SHROOM3: variants seen among roughly 807,000 people sequenced by gnomAD.
SHROOM3 encodes protein Shroom3.
SHROOM3 carries 47 observed loss-of-function variants against 138.6 expected under a neutral mutation model. That is an observed-to-expected ratio of 0.34 (90% confidence interval 0.27 to 0.43). The LOEUF (loss-of-function observed/expected upper bound fraction) is 0.43. Among genes scored for constraint, SHROOM3 ranks in the 20% least tolerant of loss-of-function variants. SHROOM3 has a pLI of 1.00. For synonymous variants in SHROOM3, 1,062 were observed against 1,063.3 expected (o/e 1.00, Z 0.02); for missense variants, 2,491 against 2,596.5 (o/e 0.96, Z 0.88).
At chr4:76,735,404 G>A (rs1721006526) in intron 4 of SHROOM3, among the ~76,000 whole-genome samples, 1 of 152,080 alleles carries the variant, frequency 6.6e-6, no homozygotes, top group South Asian at 2.1e-4. Flanking sequence ...TCTCCGGGCA[G>A]GAGGGAAAAT....
intron 2 of SHROOM3, among the ~76,000 whole-genome samples, chr4:76,686,332 A>G (rs1170707009): frequency 1.3e-5 from 2 of 152,186 alleles, no homozygotes; most frequent in Non-Finnish European, 2.9e-5. Flanking sequence ...TTAGTTGAAT[A>G]TTTTAAAGTA....
intron 1 of SHROOM3, among the ~76,000 whole-genome samples, chr4:76,447,662 GTATCAGC>G (rs1301497928): frequency 6.6e-6 from 1 of 152,106 alleles, no homozygotes; most frequent in Non-Finnish European, 1.5e-5. Context: ...TTACTTTTGA[GTATCAGC>G]TAGTGAGTAG....
At chr4:76,580,551 C>T (rs1250506657) in intron 2 of SHROOM3, among the ~76,000 whole-genome samples, 1 of 151,284 alleles carries the variant, frequency 6.6e-6, no homozygotes, top group Non-Finnish European at 1.5e-5. Context: ...CTCAGCCTCC[C>T]GAGTAGCTGG....
chr4:76,586,727 A>G (rs982677763), intron 2 of SHROOM3, among the ~76,000 whole-genome samples: 1 of 152,226 alleles, frequency 6.6e-6, no homozygotes, highest in Non-Finnish European at 1.5e-5. Flanking sequence ...ACTTTTTCCT[A>G]TTTGATGAGA....
intron 2 of SHROOM3, among the ~76,000 whole-genome samples, chr4:76,611,211 A>C (rs1734754352): frequency 6.6e-6 from 1 of 152,046 alleles, no homozygotes; most frequent in South Asian, 2.1e-4. Flanking sequence ...TTCTTGCCTC[A>C]GCTCCCAAAT....
intron 1 of SHROOM3, among the ~76,000 whole-genome samples, chr4:76,494,812 G>A (rs1023089393): frequency 6.6e-6 from 1 of 152,166 alleles, no homozygotes; most frequent in Non-Finnish European, 1.5e-5. Context: ...CAATGTGCAA[G>A]ATACAGAATT....
intron 2 of SHROOM3, among the ~76,000 whole-genome samples, chr4:76,579,732 T>C (rs1347343248): frequency 6.6e-6 from 1 of 152,226 alleles, no homozygotes; most frequent in East Asian, 1.9e-4. Flanking sequence ...CTGCCTGGTC[T>C]AGTCAGCATT....
chr4:76,749,157 T>C, intron 6 of SHROOM3, 67 bp downstream of exon 6: 1 of 1,408,960 alleles, frequency 7.1e-7, no homozygotes, highest in Admixed American at 1.7e-5. Context: ...CTCTTGTTCC[T>C]TTCTACAAGA....
At chr4:76,642,264 A>T (rs1399102851) in intron 2 of SHROOM3, among the ~76,000 whole-genome samples, 1 of 152,158 alleles carries the variant, frequency 6.6e-6, no homozygotes, top group African/African-American at 2.4e-5. Context: ...AAATGTCTAA[A>T]GCCTGATCAA....
intron 2 of SHROOM3, among the ~76,000 whole-genome samples, chr4:76,696,295 G>GC (rs1719726155): frequency 6.6e-6 from 1 of 151,944 alleles, no homozygotes; most frequent in African/African-American, 2.4e-5. Context: ...CTTCACCATC[G>GC]CCCCCAGCCT....
intron 2 of SHROOM3, among the ~76,000 whole-genome samples, chr4:76,627,382 G>A (rs1266866762): frequency 6.6e-6 from 1 of 152,154 alleles, no homozygotes; most frequent in Non-Finnish European, 1.5e-5. Flanking sequence ...TTAGAGACTT[G>A]TGGCTGAATT....
chr4:76,739,952 TAACA>T lies in SHROOM3; in HGVS notation c.1783_1786del (p.Lys595HisfsTer52). ...CCAATGAGAGAAAGAGCACCCACAG[TAACA>T]AACCATCTTCTCATCCCCACAGCCT... On this transcript the variant is annotated frameshift_variant, in exon 5 of 11. Coordinates refer to ENST00000296043, the MANE Select transcript of SHROOM3 (RefSeq NM_020859.4). LOFTEE classifies it high-confidence loss of function. 1 of 1,614,078 alleles carries T rather than the reference TAACA, an allele frequency of 6.2e-7. No homozygotes were observed. The highest frequency in any genetic ancestry group is 8.5e-7 in the Non-Finnish European group (1 of 1,180,032).
intron 1 of SHROOM3, among the ~76,000 whole-genome samples, chr4:76,551,784 T>G (rs1473353108): frequency 1.3e-5 from 2 of 152,138 alleles, no homozygotes; most frequent in Non-Finnish European, 2.9e-5. Flanking sequence ...ATAAAAATAA[T>G]AAACTATTAG....
At chr4:76,707,451 T>C in intron 2 of SHROOM3, among the ~76,000 whole-genome samples, 1 of 149,414 alleles carries the variant, frequency 6.7e-6, no homozygotes, top group South Asian at 2.1e-4. Context: ...GAAAGCACAC[T>C]TTTTTTTTTA....
At chr4:76,528,539 T>C (rs1732751290) in intron 1 of SHROOM3, among the ~76,000 whole-genome samples, 1 of 91,102 alleles carries the variant, frequency 1.1e-5, no homozygotes. Context: ...CCTTTATCTT[T>C]CTTTCTTTCT....
rs542705631 is a variant in SHROOM3 at position 76,441,384 on chromosome 4, C to T, written c.168+5164C>T. 4.6e-5 allele frequency among the ~76,000 whole-genome samples: 7 copies of T among 152,276 alleles called. No homozygotes were observed. In the East Asian group the frequency reaches 7.7e-4, roughly 17 times the overall value. On this transcript the variant is annotated intron_variant, in intron 1 of 10. Transcript: ENST00000296043. The stretch of plus-strand genomic sequence containing the variant: ...TTGGGATTACAGGCGTGAGCCACCG[C>T]GCCCAGCCCCTGAGTTCAATTTGAA...
chr4:76,607,333 T>C (rs1382163448), intron 2 of SHROOM3, among the ~76,000 whole-genome samples: 1 of 152,170 alleles, frequency 6.6e-6, no homozygotes, highest in Non-Finnish European at 1.5e-5. Flanking sequence ...CTGAGGAATT[T>C]ATGACCAGTA....
chr4:76,585,187 A>C (rs2110045760), intron 2 of SHROOM3, among the ~76,000 whole-genome samples: 1 of 152,336 alleles, frequency 6.6e-6, no homozygotes, highest in South Asian at 2.1e-4. Flanking sequence ...CTGTGAATTC[A>C]GAATTCTGTG....
At chr4:76,646,332 T>A (rs1220353764) in intron 2 of SHROOM3, among the ~76,000 whole-genome samples, 1 of 150,654 alleles carries the variant, frequency 6.6e-6, no homozygotes, top group Non-Finnish European at 1.5e-5. Flanking sequence ...ACTTCAATTC[T>A]TTCATCCTTC....
Sources: allele counts gnomAD v4.1 joint callset (sites outside exome capture counted in the v4.1 genomes callset), GRCh38; gene constraint gnomAD v4.1.1; transcripts MANE v1.5; gene names NCBI Gene and HGNC (gene_info 2026-07-23, HGNC 2026-07-21).